Variants in SHANK2 observed in about 807,000 individuals in gnomAD.
The protein encoded by SHANK2 is SH3 and multiple ankyrin repeat domains protein 2.
SHANK2 carries 43 observed loss-of-function variants against 133.7 expected under a neutral mutation model. The observed-to-expected ratio is 0.32, with a 90% CI of 0.25 to 0.41. The LOEUF is 0.41. Among genes scored for constraint, SHANK2 ranks in the 10% least tolerant of loss-of-function variants. The probability of loss-of-function intolerance (pLI) is 1.00; values close to 1 mark genes in which losing one functional copy is unlikely to be tolerated. For synonymous variants in SHANK2, 1,017 were observed against 952.8 expected (o/e 1.07, Z -1.24); for missense variants, 1,994 against 2,235.8 (o/e 0.89, Z 2.18).
intron 11 of SHANK2, among the ~76,000 whole-genome samples, chr11:70,893,724 T>C (rs923579791): frequency 6.6e-6 from 1 of 152,218 alleles, no homozygotes; most frequent in Non-Finnish European, 1.5e-5. Flanking sequence ...TAAACTATCC[T>C]TTCCCTTTGG....
chr11:70,618,629 A>G (rs6592665), intron 17 of SHANK2, among the ~76,000 whole-genome samples: 87,439 of 151,772 alleles, frequency 0.58, 25,606 homozygotes, highest in Middle Eastern at 0.71. Flanking sequence ...GAGGCATTTC[A>G]GCTTGTGAAT....
intron 6 of SHANK2, among the ~76,000 whole-genome samples, chr11:71,103,236 G>A (rs1040947004): frequency 1.3e-5 from 2 of 152,192 alleles, no homozygotes; most frequent in Admixed American, 6.5e-5. Flanking sequence ...GTGCCTGCAG[G>A]GGACCCCCTT....
At chr11:70,765,505 A>G (rs916554753) in intron 14 of SHANK2, among the ~76,000 whole-genome samples, 1 of 152,162 alleles carries the variant, frequency 6.6e-6, no homozygotes, top group Non-Finnish European at 1.5e-5. Flanking sequence ...CTCCCTAAGC[A>G]CCTGGATCCA....
At chr11:71,136,548 C>T (rs1178652137) in intron 3 of SHANK2, among the ~76,000 whole-genome samples, 1 of 152,164 alleles carries the variant, frequency 6.6e-6, no homozygotes, top group Admixed American at 6.5e-5. Flanking sequence ...AGGTGACGGT[C>T]ACACGAAAAG....
intron 11 of SHANK2, chr11:70,863,237 C>A (rs75391674): frequency 3.6e-4 from 155 of 434,298 alleles, no homozygotes; most frequent in African/African-American, 2.6e-3. Flanking sequence ...CTGGTGTGGG[C>A]TCCATGAGGT....
At chr11:70,891,491 G>C (rs1446354085) in intron 11 of SHANK2, among the ~76,000 whole-genome samples, 1 of 152,158 alleles carries the variant, frequency 6.6e-6, no homozygotes, top group Non-Finnish European at 1.5e-5. Flanking sequence ...GACAGAGCAA[G>C]ACTCTGTCTT....
chr11:70,868,770 G>T (rs143736234), intron 11 of SHANK2, among the ~76,000 whole-genome samples: 1 of 152,336 alleles, frequency 6.6e-6, no homozygotes. Context: ...AGCCCTGTTT[G>T]GACACAACAT....
chr11:70,665,760 T>G (rs1394905719), intron 15 of SHANK2, among the ~76,000 whole-genome samples: 5 of 152,152 alleles, frequency 3.3e-5, no homozygotes, highest in Admixed American at 6.5e-5. Flanking sequence ...TTGTAAGTTT[T>G]AGGAGGAGCA....
intron 8 of SHANK2, among the ~76,000 whole-genome samples, chr11:71,085,661 A>ATG (rs1590894327): frequency 0.12 from 2,767 of 23,190 alleles, 91 homozygotes; most frequent in East Asian, 0.25. Context: ...TATATATTAT[A>ATG]TTATATATGT....
intron 14 of SHANK2, among the ~76,000 whole-genome samples, chr11:70,789,092 G>C (rs1555047362): frequency 6.6e-6 from 1 of 152,176 alleles, no homozygotes; most frequent in African/African-American, 2.4e-5. Flanking sequence ...GGAAAGGAGA[G>C]TCCACGGCAG....
intron 17 of SHANK2, among the ~76,000 whole-genome samples, chr11:70,530,835 C>T (rs2059458201): frequency 6.6e-6 from 1 of 151,992 alleles, no homozygotes; most frequent in African/African-American, 2.4e-5. Context: ...GACGATTGCA[C>T]AACAATGTAA....
chr11:70,682,004 C>A (rs1237425992), intron 15 of SHANK2, among the ~76,000 whole-genome samples: 1 of 152,218 alleles, frequency 6.6e-6, no homozygotes, highest in Non-Finnish European at 1.5e-5. Flanking sequence ...CAAGGGGCTG[C>A]GGCTTTTCCC....
intron 13 of SHANK2, among the ~76,000 whole-genome samples, chr11:70,806,520 G>A (rs901943757): frequency 6.6e-6 from 1 of 152,160 alleles, no homozygotes; most frequent in Non-Finnish European, 1.5e-5. Flanking sequence ...CCCCCCAGAG[G>A]CTTCTCAACG....
At chr11:71,190,409 C>T (rs922899142) in intron 2 of SHANK2, among the ~76,000 whole-genome samples, 1 of 152,190 alleles carries the variant, frequency 6.6e-6, no homozygotes, top group Non-Finnish European at 1.5e-5. Context: ...TCCATCCAGA[C>T]CCTTAAGCAT....
intron 8 of SHANK2, among the ~76,000 whole-genome samples, chr11:71,082,540 G>T (rs892231905): frequency 6.6e-6 from 1 of 152,182 alleles, no homozygotes; most frequent in Non-Finnish European, 1.5e-5. Context: ...GGCAGCTCAC[G>T]CTGGGCTGTA....
chr11:70,530,842 G>A (rs1239501572), intron 17 of SHANK2, among the ~76,000 whole-genome samples: 5 of 152,078 alleles, frequency 3.3e-5, no homozygotes, highest in Admixed American at 1.3e-4. Flanking sequence ...GCACAACAAT[G>A]TAAGTATACT....
chr11:71,207,757 C>T (rs1169917188), intron 2 of SHANK2, among the ~76,000 whole-genome samples: 2 of 152,152 alleles, frequency 1.3e-5, no homozygotes, highest in African/African-American at 2.4e-5. Flanking sequence ...TTCCAGTCCT[C>T]GCTTCCAGAA....
At chr11:70,766,804 T>C (rs1555041510) in intron 14 of SHANK2, among the ~76,000 whole-genome samples, 1 of 152,256 alleles carries the variant, frequency 6.6e-6, no homozygotes, top group Non-Finnish European at 1.5e-5. Context: ...AATGTTTTTG[T>C]TCCAATCAGC....
intron 17 of SHANK2, among the ~76,000 whole-genome samples, chr11:70,509,168 C>T (rs997980035): frequency 8.5e-5 from 13 of 152,238 alleles, no homozygotes; most frequent in Non-Finnish European, 1.8e-4. Flanking sequence ...CTGTGCCTTG[C>T]CCGGCCTTCT....
Sources: allele counts gnomAD v4.1 joint callset (sites outside exome capture counted in the v4.1 genomes callset), GRCh38; gene constraint gnomAD v4.1.1; transcripts MANE v1.5; gene names NCBI Gene and HGNC (gene_info 2026-07-23, HGNC 2026-07-21).